Variants in MUC12 observed in about 807,000 individuals in gnomAD.
MUC12 encodes mucin-12.
A neutral mutation model predicts 230.8 loss-of-function variants in MUC12; 172 were observed. That is an observed-to-expected ratio of 0.75 (90% confidence interval 0.66 to 0.85). The LOEUF (loss-of-function observed/expected upper bound fraction) is 0.85, where lower values mean the gene tolerates loss of function less well. Ranked by LOEUF, MUC12 falls within the 40% of genes least tolerant of loss-of-function variation. The pLI is 0.00. For synonymous variants in MUC12, 1,259 were observed against 2,401.9 expected, an observed-to-expected ratio of 0.52 and a Z score of 13.91; for missense variants, 3,506 against 5,920.6, an observed-to-expected ratio of 0.59 and a Z score of 13.38.
chr7:100,995,845 C>T lies in MUC12; in HGVS notation c.5282C>T (p.Thr1761Ile). 2.1e-6 allele frequency: 3 copies of T among 1,458,556 alleles called. No homozygotes were observed. Among genetic ancestry groups the T allele is most frequent in the Non-Finnish European group, 2.8e-6 (3 of 1,087,740 alleles). The allele number at this position is 1,458,556 out of a possible 1,614,324, so 90.4% of individuals were successfully genotyped here. ...ACAACACCCTCGCCTGCCCGCTCCA[C>T]AACCTCAGGCCTCGTTGAAGAATCT... is the stretch of plus-strand genomic sequence containing the variant. ...TATTPSPARS[T>I]TSGLVEESTA... Residue 1761 changes from threonine to isoleucine, a missense_variant, in exon 2 of 12, where the codon ACA becomes ATA. Transcript: ENST00000536621.
Position 100,992,451 on chromosome 7 carries a change from G to T in MUC12, c.1888G>T (p.Glu630Ter). The change falls in exon 2 of 12, where the codon GAA becomes TAA. Residue 630 changes from glutamate to a stop codon, truncating the protein, a stop_gained. Transcript: ENST00000536621. LOFTEE classifies it high-confidence loss of function. The stretch of plus-strand genomic sequence containing the variant: ...TGCCGGCTCTACAACCCGTCAGGGA[G>T]AATCTACCACATTCCATAGCTGGCC... ...SPAGSTTRQG[E>*]STTFHSWPSS... The T allele has an allele frequency of 1.3e-6, 2 of 1,537,934 alleles. No individual in the cohort carries two copies. Among genetic ancestry groups the T allele is most frequent in the Middle Eastern group, 1.7e-4 (1 of 5,996 alleles).
chr7:101,011,447 A>C (rs1793839249), intron 5 of MUC12, among the ~76,000 whole-genome samples: 1 of 152,070 alleles, frequency 6.6e-6, no homozygotes, highest in South Asian at 2.1e-4. Flanking sequence ...AATTTTAAAA[A>C]ATGGGGTCTT....
intron 11 of MUC12, 100 bp downstream of exon 11, chr7:101,017,763 C>CCCCCTGGGACCCCTTCCCTTTCCCT: frequency 1.2e-6 from 1 of 835,622 alleles, no homozygotes; most frequent in East Asian, 2.9e-5. Flanking sequence ...GGACTCCCTT[C>CCCCCTGGGACCCCTTCCCTTTCCCT]TCCCCCTGGG....
chr7:100,971,204 G>A (rs1792883022), intron 1 of MUC12, among the ~76,000 whole-genome samples: 1 of 152,244 alleles, frequency 6.6e-6, no homozygotes. Flanking sequence ...AACCGTGGCT[G>A]AGGGGCTGTA....
At chr7:100,977,992 A>G (rs1793057909) in intron 1 of MUC12, among the ~76,000 whole-genome samples, 1 of 152,096 alleles carries the variant, frequency 6.6e-6, no homozygotes, top group South Asian at 2.1e-4. Flanking sequence ...TTCTCTGACA[A>G]GTATGCAGAT....
In MUC12 at chr7:101,008,593, G is replaced by A. The variant is rs1302236900; in HGVS notation, c.15059-41G>A. On this transcript the variant is annotated intron_variant, in intron 3 of 11. Coordinates refer to ENST00000536621, the MANE Select transcript of MUC12 (RefSeq NM_001164462.2). ...GTATCAATCCTGGGGGACATTATTG[G>A]GAGGTCGCTGTCTCACGCATACCAT... 3.3e-6 allele frequency: 5 copies of A among 1,525,340 alleles called. No homozygotes were observed. In the African/African-American group the frequency reaches 4.1e-5, roughly 13 times the overall value. The allele number at this position is 1,525,340 out of a possible 1,614,324, so 94.5% of individuals were successfully genotyped here. A position where few individuals can be genotyped will look rare whatever the true frequency, so the allele number is the denominator to read the frequency against.
Position 100,995,479 on chromosome 7 carries a change from C to G in MUC12, c.4916C>G (p.Pro1639Arg), listed in dbSNP as rs1418862849. The G allele has an allele frequency of 2.0e-6, 3 of 1,534,206 alleles. No homozygotes were observed. Among genetic ancestry groups the G allele is most frequent in the South Asian group, 1.2e-5 (1 of 83,910 alleles). ...GPESTTFHSSPGSTETTLLPD... is the reference protein window; with the variant it reads ...GPESTTFHSSRGSTETTLLPD... ...GAATCTACTACTTTCCACAGCAGCC[C>G]AGGCTCCACTGAAACAACACTCTTA... Residue 1639 changes from proline (P) to arginine (R), a missense_variant, in exon 2 of 12, where the codon CCA becomes CGA. By Grantham distance (103) the Pro-to-Arg change is moderately radical. Coordinates refer to ENST00000536621, the MANE Select transcript of MUC12 (RefSeq NM_001164462.2).
Position 100,992,536 on chromosome 7 carries a change from C to A in MUC12, c.1973C>A (p.Ser658Tyr), listed in dbSNP as rs1443505743. Residue 658 changes from serine to tyrosine, a missense_variant, in exon 2 of 12, where the codon TCT (serine) becomes TAT (tyrosine). Transcript: ENST00000536621. The part of the protein sequence containing the change: ...PTTTSAFVEP[S>Y]TTSHGSPSSI... ...ACCACATCAGCCTTTGTTGAGCCAT[C>A]TACAACCTCCCACGGCAGCCCGAGC... is the stretch of plus-strand genomic sequence containing the variant. The A allele has an allele frequency of 5.9e-6, 9 of 1,537,890 alleles. No homozygotes were observed. The highest frequency in any genetic ancestry group is 7.0e-6 in the Non-Finnish European group (8 of 1,147,094).
At chr7:101,006,643 G>T in intron 3 of MUC12, 71 bp downstream of exon 3, 1 of 1,053,220 alleles carries the variant, frequency 9.5e-7, no homozygotes, top group South Asian at 1.3e-5. Flanking sequence ...TGGCAGTGTT[G>T]GAAGGATCAG....
intron 8 of MUC12, 105 bp downstream of exon 8, chr7:101,013,247 G>C (rs1454384066): frequency 7.6e-7 from 1 of 1,322,904 alleles, no homozygotes; most frequent in African/African-American, 1.5e-5. Flanking sequence ...AGCTTGGGAG[G>C]TGCCTCCTCC....
Position 101,012,321 on chromosome 7 carries a change from G to A in MUC12, c.15277G>A (p.Asp5093Asn), listed in dbSNP as rs769389695. 8.5e-6 allele frequency: 13 copies of A among 1,537,146 alleles called. No homozygotes were observed. The highest frequency in any genetic ancestry group is 5.5e-5 in the African/African-American group (4 of 73,020). Reference sequence around the variant, plus strand: ...CAACGGTAGCATCGTGGTCAAGAACGATGTCATCCTGGAGGCAGACTACAC... The same window carrying A: ...CAACGGTAGCATCGTGGTCAAGAACAATGTCATCCTGGAGGCAGACTACAC... ...LLNGSIVVKN[D>N]VILEADYTLE... The change falls in exon 6 of 12, where the codon GAT becomes AAT. Residue 5093 changes from aspartate to asparagine, a missense_variant. Coordinates refer to ENST00000536621, the MANE Select transcript of MUC12 (RefSeq NM_001164462.2).
At position 100,991,148 on chromosome 7, in the gene MUC12, T is replaced by A; in HGVS notation, c.585T>A (p.Ala195=). The change falls in exon 2 of 12, where the codon GCT becomes GCA. Residue 195 remains alanine, a synonymous_variant. Transcript: ENST00000536621. ...CAGGCGTCAGTCAGGAATCTACAGC[T>A]TCCCACAGCATCCCCGGCTCCACAG... ...TMPGVSQEST[A]SHSIPGSTDT... The A allele has an allele frequency of 4.6e-6, 7 of 1,537,542 alleles. No homozygotes were observed. The highest frequency in any genetic ancestry group is 6.1e-6 in the Non-Finnish European group (7 of 1,146,996).
At position 100,991,064 on chromosome 7, in the gene MUC12, C is replaced by A. The variant is rs374115836; in HGVS notation, c.501C>A (p.Thr167=). 15 of 1,537,578 alleles carry A rather than the reference C, an allele frequency of 9.8e-6. No homozygotes were observed. Among genetic ancestry groups the A allele is most frequent in the African/African-American group, 1.4e-5 (1 of 72,996 alleles). Residue 167 remains threonine, a synonymous_variant, in exon 2 of 12, where the codon ACC becomes ACA. Transcript: ENST00000536621. ...TSSGVSEKST[T]SHSRPGPTHT... Reference sequence around the variant, plus strand: ...CAGGCGTCAGTGAAAAATCAACCACCTCCCACAGCCGACCAGGCCCAACGC... The same window carrying A: ...CAGGCGTCAGTGAAAAATCAACCACATCCCACAGCCGACCAGGCCCAACGC...
chr7:101,017,737 CTCCCTTCTCCCCCT>C lies in MUC12; in HGVS notation c.15966+75_15966+88del, dbSNP rs1240211193. 7.7e-4 allele frequency: 826 copies of C among 1,070,800 alleles called. 8 individuals carry two copies. The South Asian group carries it at 0.011, about 14-fold the overall frequency. 66.3% of individuals were successfully genotyped at this position (1,070,800 alleles called of 1,614,324 possible). ...TCTGGGGTTCCCTCTTCCCCCGGGA[CTCCCTTCTCCCCCT>C]GGGACTCCCTTCTCCCCCTGGGACT... On this transcript the variant is annotated intron_variant, in intron 11 of 11. Transcript: ENST00000536621.
rs1255121489 is a variant in MUC12, at chr7:101,009,162, G to A, written c.15251+3G>A. The A allele has an allele frequency of 2.0e-6, 3 of 1,537,696 alleles. No individual in the cohort carries two copies. Among genetic ancestry groups the A allele is most frequent in the Non-Finnish European group, 2.6e-6 (3 of 1,146,882 alleles). ...GGGGTGAACATTCGGAGATTGCTGT[G>A]AGTATATTGGGGGGCAGGTTTATAG... On this transcript the variant is annotated splice_donor_region_variant and intron_variant, in intron 5 of 11. Transcript: ENST00000536621.
chr7:101,007,444 G>A (rs1473526432), intron 3 of MUC12, among the ~76,000 whole-genome samples: 1 of 152,056 alleles, frequency 6.6e-6, no homozygotes, highest in East Asian at 1.9e-4. Context: ...TCTACGCTCT[G>A]CCTCCATTAG....
At chr7:100,983,699 G>A (rs1793144139) in intron 1 of MUC12, among the ~76,000 whole-genome samples, 1 of 152,096 alleles carries the variant, frequency 6.6e-6, no homozygotes, top group South Asian at 2.1e-4. Flanking sequence ...GCGAGTACAG[G>A]AATCTGCTCT....
chr7:100,970,994 C>CAA (rs199863312), intron 1 of MUC12, among the ~76,000 whole-genome samples: 6,442 of 128,416 alleles, frequency 0.05, 633 homozygotes, highest in Admixed American at 0.24. Context: ...GACTCCGTCT[C>CAA]AAAAAAAAAA....
chr7:101,007,559 ATGT>A (rs1793774303), intron 3 of MUC12, among the ~76,000 whole-genome samples: 1 of 152,182 alleles, frequency 6.6e-6, no homozygotes, highest in Admixed American at 6.5e-5. Flanking sequence ...AGTTCCATCC[ATGT>A]TGTTGCAATT....
Sources: allele counts gnomAD v4.1 joint callset (sites outside exome capture counted in the v4.1 genomes callset), GRCh38; gene constraint gnomAD v4.1.1; transcripts MANE v1.5; gene names NCBI Gene and HGNC (gene_info 2026-07-23, HGNC 2026-07-21).